Variants in HEG1 observed in about 807,000 individuals in gnomAD.
HEG1 encodes heart development protein with EGF like domains 1, also known as protein HEG homolog 1.
HEG1 carries 56 observed loss-of-function variants against 125.6 expected under a neutral mutation model. That is an observed-to-expected ratio of 0.45 (90% CI 0.36 to 0.56). HEG1 has a LOEUF of 0.56. Ranked by LOEUF, HEG1 falls within the 20% of genes least tolerant of loss-of-function variation. The probability of loss-of-function intolerance (pLI) is 0.00; values close to 1 mark genes in which losing one functional copy is unlikely to be tolerated. For missense variants in HEG1, 1,523 were observed against 1,670.0 expected (o/e 0.91, Z 1.53); for synonymous variants, 644 against 668.5 (o/e 0.96, Z 0.57).
chr3:124,987,958 T>C (rs958864394), intron 14 of HEG1, among the ~76,000 whole-genome samples: 1,254 of 38,652 alleles, frequency 0.032, 36 homozygotes, highest in African/African-American at 0.083. Flanking sequence ...CACACATATA[T>C]ATATATATAT....
chr3:125,011,125 T>C (rs947267997), intron 6 of HEG1, among the ~76,000 whole-genome samples: 7 of 152,168 alleles, frequency 4.6e-5, no homozygotes, highest in African/African-American at 7.2e-5. Context: ...CTATGTAATA[T>C]GCTTCATACA....
In HEG1 at chr3:125,012,673, G is replaced by C. The variant is rs771037386; in HGVS notation, c.2906C>G (p.Ala969Gly). The part of the protein sequence containing the change: ...EDLAPKSATF[A>G]VQSSTQSPTT... Reference sequence around the variant, plus strand: ...TGGTGACTGTGTGCTGCTCTGAACAGCAAAGGTGGCAGATTTGGGAGCCAA... The same window carrying C: ...TGGTGACTGTGTGCTGCTCTGAACACCAAAGGTGGCAGATTTGGGAGCCAA... Residue 969 changes from alanine (A) to glycine (G), a missense_variant, in exon 6 of 17, where the codon GCT becomes GGT. Physicochemically the swap from Ala to Gly is moderately conservative, Grantham distance 60 (BLOSUM62 0). Coordinates refer to ENST00000311127, the MANE Select transcript of HEG1 (RefSeq NM_020733.2). 9.3e-6 allele frequency: 15 copies of C among 1,613,708 alleles called. No homozygotes were observed. In the African/African-American group the frequency reaches 2.0e-4, roughly 22 times the overall value.
Position 125,012,641 on chromosome 3 carries a change from C to G in HEG1, c.2938G>C (p.Val980Leu), listed in dbSNP as rs10804567. 1,028,676 of 1,612,334 alleles carry G rather than the reference C, an allele frequency of 0.64. 332,609 individuals carry two copies. Among genetic ancestry groups the G allele is most frequent in the East Asian group, 0.9 (40,578 of 44,856 alleles). Residue 980 changes from valine (V) to leucine (L), a missense_variant, in exon 6 of 17, where the codon GTG (valine) becomes CTG (leucine). By Grantham distance (32) the Val-to-Leu change is conservative. Transcript: ENST00000311127. ...VQSSTQSPTT[V>L]SSSASVNSCA... Reference sequence around the variant, plus strand: ...GTTTTACCTGAGGCTGAAGAGGACACTGTTGTTGGTGACTGTGTGCTGCTC... The same window carrying G: ...GTTTTACCTGAGGCTGAAGAGGACAGTGTTGTTGGTGACTGTGTGCTGCTC...
At chr3:124,998,132 T>C (rs921367046) in intron 11 of HEG1, among the ~76,000 whole-genome samples, 5 of 152,028 alleles carry the variant, frequency 3.3e-5, no homozygotes, top group Non-Finnish European at 7.4e-5. Context: ...ACTCCTCTGG[T>C]GCTCACTGCA....
chr3:125,019,614 G>GA lies in HEG1; in HGVS notation c.1253-18dup, dbSNP rs745307638. 1.3e-5 allele frequency: 21 copies of GA among 1,576,782 alleles called. No homozygotes were observed. The highest frequency in any genetic ancestry group is 1.7e-4 in the Middle Eastern group (1 of 5,910). On this transcript the variant is annotated splice_polypyrimidine_tract_variant and intron_variant, in intron 4 of 16. Transcript: ENST00000311127. ...CTCCAAAGGCTGTAAGGTAATATAG[G>GA]AAAAAAAGGCCATTACATAGGTATG...
chr3:125,018,864 C>CTTTT (rs755310479), intron 5 of HEG1, among the ~76,000 whole-genome samples: 11 of 119,616 alleles, frequency 9.2e-5, no homozygotes, highest in African/African-American at 1.3e-4. Flanking sequence ...TTCATGCATG[C>CTTTT]TTTTTTTTTT....
chr3:125,033,226 G>T (rs553374448), intron 1 of HEG1, among the ~76,000 whole-genome samples: 2 of 152,176 alleles, frequency 1.3e-5, no homozygotes, highest in African/African-American at 4.8e-5. Context: ...GGCCAAAAAT[G>T]AACCATGACT....
intron 16 of HEG1, among the ~76,000 whole-genome samples, chr3:124,973,211 T>C (rs1369414446): frequency 6.6e-6 from 1 of 151,738 alleles, no homozygotes; most frequent in Non-Finnish European, 1.5e-5. Context: ...AGGAGCACGG[T>C]TTCTGTAGAG....
Position 125,013,724 on chromosome 3 carries a change from C to A in HEG1, c.1855G>T (p.Ala619Ser), listed in dbSNP as rs760828853. Reference sequence around the variant, plus strand: ...ACTGGCGACTCAGTAGAAGGCTGAGCATATTCCCCGTCATAGGATGAGATG... The same window carrying A: ...ACTGGCGACTCAGTAGAAGGCTGAGAATATTCCCCGTCATAGGATGAGATG... Reference protein sequence around the residue: ...SNISSYDGEYAQPSTESPVLH... With the variant: ...SNISSYDGEYSQPSTESPVLH... The change falls in exon 6 of 17, where the codon GCT (alanine) becomes TCT (serine). Residue 619 changes from alanine (A) to serine (S), a missense_variant. Ala to Ser is a moderately conservative substitution (Grantham distance 99). Coordinates refer to ENST00000311127, the MANE Select transcript of HEG1 (RefSeq NM_020733.2). The A allele has an allele frequency of 9.3e-6, 15 of 1,613,872 alleles. No homozygotes were observed. In the East Asian group the frequency reaches 2.0e-4, roughly 22 times the overall value.
At chr3:124,983,847 T>C (rs1290738956) in intron 14 of HEG1, among the ~76,000 whole-genome samples, 2 of 152,070 alleles carry the variant, frequency 1.3e-5, no homozygotes, top group South Asian at 2.1e-4. Flanking sequence ...CCTCACCAAA[T>C]AGTCCTCGCT....
At chr3:124,998,427 G>A (rs555936511) in intron 11 of HEG1, among the ~76,000 whole-genome samples, 27 of 152,272 alleles carry the variant, frequency 1.8e-4, no homozygotes, top group Non-Finnish European at 3.1e-4. Flanking sequence ...TGCTTGCCCC[G>A]GGCTGTAGTG....
chr3:125,035,834 T>C (rs992022272), intron 1 of HEG1, among the ~76,000 whole-genome samples: 5 of 152,104 alleles, frequency 3.3e-5, no homozygotes, highest in Non-Finnish European at 5.9e-5. Flanking sequence ...ATAACAATAG[T>C]TCGTAAGTCT....
At chr3:125,005,173 G>A in intron 9 of HEG1, 92 bp downstream of exon 9, 1 of 733,032 alleles carries the variant, frequency 1.4e-6, no homozygotes, top group South Asian at 1.7e-5. Flanking sequence ...GAGCCCAGGA[G>A]ACACAGCTGA....
chr3:124,983,791 T>C lies in HEG1; in HGVS notation c.3734-5845A>G, dbSNP rs149474202. Among the ~76,000 whole-genome samples the C allele has an allele frequency of 9.2e-5, 14 of 152,270 alleles. No homozygotes were observed. The East Asian group carries it at 2.7e-3, about 29-fold the overall frequency. On this transcript the variant is annotated intron_variant, in intron 14 of 16. Coordinates refer to ENST00000311127, the MANE Select transcript of HEG1 (RefSeq NM_020733.2). ...CTCTCCACTGTGACAGTGCCCCACA[T>C]GATTGTCACTTTCTCCTGATGTTTT...
At chr3:124,983,531 C>G in intron 14 of HEG1, among the ~76,000 whole-genome samples, 1 of 149,214 alleles carries the variant, frequency 6.7e-6, no homozygotes, top group East Asian at 2.0e-4. Flanking sequence ...GATGAGGTCT[C>G]GCTATGTTGC....
In HEG1 at chr3:125,027,498, C is replaced by T; in HGVS notation, c.620G>A (p.Ser207Asn). The change falls in exon 3 of 17, where the codon AGT (serine) becomes AAT (asparagine). Residue 207 changes from serine to asparagine, a missense_variant. Ser to Asn is a conservative substitution (Grantham distance 46, BLOSUM62 1). Transcript: ENST00000311127. Reference sequence around the variant, plus strand: ...TGAACTGCTGGATGGCAGGTGAAGACTTTCTGAGGCTGAAAACAGACAAAA... The same window carrying T: ...TGAACTGCTGGATGGCAGGTGAAGATTTTCTGAGGCTGAAAACAGACAAAA... ...TSQSGNLASE[S>N]LHLPSSSSEF... 6.3e-7 allele frequency: 1 copy of T among 1,599,274 alleles called. No homozygotes were observed. Among genetic ancestry groups the T allele is most frequent in the African/African-American group, 1.3e-5 (1 of 74,358 alleles).
At chr3:124,986,594 A>G (rs1281413044) in intron 14 of HEG1, among the ~76,000 whole-genome samples, 1 of 152,256 alleles carries the variant, frequency 6.6e-6, no homozygotes, top group Admixed American at 6.5e-5. Flanking sequence ...AGAGATATCA[A>G]AATGATAAAG....
intron 12 of HEG1, among the ~76,000 whole-genome samples, chr3:124,996,750 C>T (rs1375450629): frequency 6.6e-6 from 1 of 152,186 alleles, no homozygotes; most frequent in Non-Finnish European, 1.5e-5. Context: ...CGCCTCGCCC[C>T]AGTATGTGAT....
chr3:125,008,792 G>A lies in HEG1; in HGVS notation c.3193+913C>T, dbSNP rs375779797. On this transcript the variant is annotated intron_variant, in intron 8 of 16. Coordinates refer to ENST00000311127, the MANE Select transcript of HEG1 (RefSeq NM_020733.2). ...AGCCTGGGCAACAGAGTGAGACTCC[G>A]TCTCAAAAAAAACAAAAAACAAAAA... is the stretch of plus-strand genomic sequence containing the variant. 2.0e-4 allele frequency among the ~76,000 whole-genome samples: 27 copies of A among 135,002 alleles called. No homozygotes were observed. In the South Asian group the frequency reaches 2.3e-3, roughly 12 times the overall value. The allele number at this position is 135,002 out of a possible 152,430, so 88.6% of individuals were successfully genotyped here. A position where few individuals can be genotyped will look rare whatever the true frequency, so the allele number is the denominator to read the frequency against.
Sources: gnomAD v4.1 joint callset for allele counts (sites outside exome capture counted in the v4.1 genomes callset) on GRCh38, gnomAD v4.1.1 for gene constraint, MANE v1.5 for transcripts, NCBI Gene and HGNC (gene_info 2026-07-23, HGNC 2026-07-21) for gene names.